Variants in SYNE2 observed in about 807,000 individuals in gnomAD.
SYNE2 encodes spectrin repeat containing nuclear envelope protein 2.
In SYNE2, 431 loss-of-function variants were observed where a neutral mutation model predicts 856.3. The ratio of observed to expected loss-of-function variants is 0.50; its 90% confidence interval spans 0.47 to 0.55. The LOEUF (loss-of-function observed/expected upper bound fraction) is 0.55. Ranked by LOEUF, SYNE2 falls within the 20% of genes least tolerant of loss-of-function variation. The pLI is 0.00. For synonymous variants in SYNE2, 2,923 were observed against 2,872.3 expected, an observed-to-expected ratio of 1.02 and a Z score of -0.56; for missense variants, 8,129 against 8,023.2, an observed-to-expected ratio of 1.01 and a Z score of -0.50.
chr14:63,801,788 A>T (rs1222595690), intron 1 of SYNE2, among the ~76,000 whole-genome samples: 1 of 152,002 alleles, frequency 6.6e-6, no homozygotes, highest in African/African-American at 2.4e-5. Context: ...TTTTTAAACA[A>T]TACATGAAAG....
At chr14:63,922,371 A>G (rs2095610810) in intron 2 of SYNE2, among the ~76,000 whole-genome samples, 2 of 152,224 alleles carry the variant, frequency 1.3e-5, no homozygotes, top group Admixed American at 6.5e-5. Flanking sequence ...TCTCGTTTAT[A>G]AAATGCTTAC....
At chr14:63,829,625 T>G (rs1889593116) in intron 1 of SYNE2, among the ~76,000 whole-genome samples, 1 of 152,160 alleles carries the variant, frequency 6.6e-6, no homozygotes, top group Non-Finnish European at 1.5e-5. Context: ...TATTTTTATT[T>G]ATTATTTTAA....
chr14:63,972,291 G>C (rs1346171698), intron 11 of SYNE2, among the ~76,000 whole-genome samples: 1 of 152,160 alleles, frequency 6.6e-6, no homozygotes, highest in Non-Finnish European at 1.5e-5. Context: ...AGGCCACAGA[G>C]ACCTGGCCTG....
At chr14:64,046,283 T>C (rs1017266477) in intron 45 of SYNE2, among the ~76,000 whole-genome samples, 2 of 152,230 alleles carry the variant, frequency 1.3e-5, no homozygotes, top group African/African-American at 4.8e-5. Context: ...ACCTCGTATA[T>C]AACTTGTTCT....
At position 64,090,968 on chromosome 14, in the gene SYNE2, G is replaced by A; in HGVS notation, c.11896G>A (p.Val3966Met). 6.2e-7 allele frequency: 1 copy of A among 1,614,124 alleles called. No individual in the cohort carries two copies. Among genetic ancestry groups the A allele is most frequent in the East Asian group, 2.2e-5 (1 of 44,876 alleles). The change falls in exon 60 of 116, where the codon GTG becomes ATG. Residue 3966 changes from valine to methionine, a missense_variant. Transcript: ENST00000555002. ...LPQTGMKPLP[V>M]FQRTNQLLQD... ...CCAAACAGGAATGAAACCTCTGCCT[G>A]TGTTTCAGCGGACAAATCAGCTTTT...
chr14:64,001,957 T>G lies in SYNE2; in HGVS notation c.3662T>G (p.Leu1221Arg). 1 of 1,614,184 alleles carries G rather than the reference T, an allele frequency of 6.2e-7. No individual in the cohort carries two copies. The highest frequency in any genetic ancestry group is 8.5e-7 in the Non-Finnish European group (1 of 1,180,014). ...NTRMESLETALRLVLPVEKAS... is the reference protein window; with the variant it reads ...NTRMESLETARRLVLPVEKAS... ...AGAATGGAATCTTTAGAGACAGCAC[T>G]GCGGCTTGTGTTACCTGTAGAGAAG... Residue 1221 changes from leucine to arginine, a missense_variant, in exon 29 of 116, where the codon CTG (leucine) becomes CGG (arginine). Leu to Arg is a moderately radical substitution (Grantham distance 102). Around this residue, in one of 3 missense-constraint regions of SYNE2, gnomAD observed 2,422 missense variants for 2,357.4 expected, o/e 1.03. Coordinates refer to ENST00000555002, the MANE Select transcript of SYNE2 (RefSeq NM_182914.3).
intron 1 of SYNE2, among the ~76,000 whole-genome samples, chr14:63,798,983 C>G (rs140009782): frequency 6.6e-6 from 1 of 152,264 alleles, no homozygotes; most frequent in East Asian, 1.9e-4. Flanking sequence ...CACAAGTCAC[C>G]AAGAACATTT....
At chr14:64,087,093 T>TAAAAAAAAAA (rs56917782) in intron 57 of SYNE2, among the ~76,000 whole-genome samples, 6 of 98,432 alleles carry the variant, frequency 6.1e-5, no homozygotes, top group East Asian at 3.3e-4. Flanking sequence ...TGATAATTGG[T>TAAAAAAAAAA]AAAAAAAAAA....
chr14:64,209,989 CAACAA>C lies in SYNE2; in HGVS notation c.18589_18593del (p.Asn6197AlafsTer53). ...AGCGGCTCACTCAGCTGGAGCTCAT[CAACAA>C]GCAGTACCGGCGGCTGGCCCGGGAG... On this transcript the variant is annotated frameshift_variant, in exon 103 of 116. Transcript: ENST00000555002. LOFTEE classifies it high-confidence loss of function. 7.4e-6 allele frequency: 12 copies of C among 1,614,152 alleles called. No individual in the cohort carries two copies. Among genetic ancestry groups the C allele is most frequent in the Non-Finnish European group, 9.3e-6 (11 of 1,180,038 alleles).
Position 64,052,976 on chromosome 14 carries a change from A to G in SYNE2, c.9063A>G (p.Gln3021=), listed in dbSNP as rs372391738. The change falls in exon 48 of 116, where the codon CAA becomes CAG. Residue 3021 remains glutamine (Q), a synonymous_variant. Transcript: ENST00000555002. ...ATTTTTCACAACTTGACCAATTACA[A>G]ACCCAAGTATTTGAAAAAGAAAAGG... ...NWDFSQLDQL[Q]TQVFEKEKEL... 27 of 1,610,394 alleles carry G rather than the reference A, an allele frequency of 1.7e-5. No homozygotes were observed. The highest frequency in any genetic ancestry group is 2.3e-5 in the Non-Finnish European group (27 of 1,179,218).
chr14:63,933,204 C>T (rs910499571), intron 2 of SYNE2, among the ~76,000 whole-genome samples: 2 of 152,174 alleles, frequency 1.3e-5, no homozygotes, highest in African/African-American at 4.8e-5. Flanking sequence ...CTGCATCGCT[C>T]TGCATTTAAG....
Position 63,964,819 on chromosome 14 carries a change from C to T in SYNE2, c.990+819C>T, listed in dbSNP as rs762813850. Among the ~76,000 whole-genome samples the T allele has an allele frequency of 3.9e-5, 6 of 151,904 alleles. No individual in the cohort carries two copies. The South Asian group carries it at 6.3e-4, about 16-fold the overall frequency. The stretch of plus-strand genomic sequence containing the variant: ...GATTACAGGCGTGAGCCACAGTGCC[C>T]GGCCCCAGAACATGCTTTTTAGAAT... On this transcript the variant is annotated intron_variant, in intron 10 of 115. Coordinates refer to ENST00000555002, the MANE Select transcript of SYNE2 (RefSeq NM_182914.3).
At chr14:63,814,723 T>G (rs1312664145) in intron 1 of SYNE2, among the ~76,000 whole-genome samples, 3 of 82,020 alleles carry the variant, frequency 3.7e-5, no homozygotes, top group African/African-American at 1.3e-4. Context: ...TATATATCCA[T>G]ATATATATCC....
At chr14:64,094,955 A>G (rs1429807079) in intron 61 of SYNE2, 1 of 168,168 alleles carries the variant, frequency 5.9e-6, no homozygotes, top group Non-Finnish European at 1.5e-5. Context: ...TTTTTAAAGT[A>G]GTTATATTTT....
intron 99 of SYNE2, 110 bp from the exon 100 acceptor site, chr14:64,202,691 T>C: frequency 1.4e-6 from 2 of 1,398,626 alleles, no homozygotes; most frequent in Non-Finnish European, 9.9e-7. Flanking sequence ...GATTCTTTTT[T>C]ACCCTGCAAT....
chr14:63,784,498 AAAACAAACAAAC>A (rs137985555), intron 1 of SYNE2, among the ~76,000 whole-genome samples: 124 of 149,840 alleles, frequency 8.3e-4, no homozygotes, highest in Non-Finnish European at 1.5e-3. Flanking sequence ...CTCCATCTCA[AAAACAAACAAAC>A]AAACAAACAA....
chr14:64,080,651 C>T lies in SYNE2; in HGVS notation c.11346+13C>T, dbSNP rs769403017. The T allele has an allele frequency of 6.2e-7, 1 of 1,613,372 alleles. No individual in the cohort carries two copies. Among genetic ancestry groups the T allele is most frequent in the Non-Finnish European group, 8.5e-7 (1 of 1,179,498 alleles). ...ACAGTTGAATAAGGTATGGCTGTGACTCGTAATAGCTTCATATCATGTGGT... is the reference window on the plus strand; with the variant it reads ...ACAGTTGAATAAGGTATGGCTGTGATTCGTAATAGCTTCATATCATGTGGT... On this transcript the variant is annotated intron_variant, in intron 56 of 115. Coordinates refer to ENST00000555002, the MANE Select transcript of SYNE2 (RefSeq NM_182914.3).
chr14:64,205,554 C>T (rs1359980430), intron 100 of SYNE2, among the ~76,000 whole-genome samples: 3 of 152,158 alleles, frequency 2.0e-5, no homozygotes, highest in Non-Finnish European at 4.4e-5. Context: ...TGCAAAAGCC[C>T]TCAGCCCCCA....
At chr14:63,851,819 A>G (rs1471767539), upstream of SYNE2, among the ~76,000 whole-genome samples, 3 of 151,950 alleles carry the variant, frequency 2.0e-5, no homozygotes, top group Admixed American at 2.0e-4. Context: ...GCAGTGGCTC[A>G]TGCCTGTAAT....
Sources: gnomAD v4.1 joint callset for allele counts (sites outside exome capture counted in the v4.1 genomes callset) on GRCh38, gnomAD v4.1.1 for gene constraint, gnomAD v4.1.1 regional missense constraint, MANE v1.5 for transcripts, NCBI Gene and HGNC (gene_info 2026-07-23, HGNC 2026-07-21) for gene names.